The following CDAN1 variants were observed in gnomAD, a reference collection of about 807,000 sequenced individuals.
CDAN1 encodes codanin 1.
In CDAN1, 107 loss-of-function variants were observed where a neutral mutation model predicts 139.8. The observed-to-expected ratio is 0.77, with a 90% CI of 0.65 to 0.90. CDAN1 has a LOEUF of 0.90. Among genes scored for constraint, CDAN1 ranks in the 40% least tolerant of loss-of-function variants. The pLI, the probability that CDAN1 is intolerant of heterozygous loss-of-function variation, is 0.00. For missense variants in CDAN1, 1,667 were observed against 1,575.7 expected, an observed-to-expected ratio of 1.06 and a Z score of -0.98; for synonymous variants, 776 against 660.6, an observed-to-expected ratio of 1.17 and a Z score of -2.68.
At chr15:42,727,182 TG>T (rs1279672560) in intron 23 of CDAN1, 1 of 160,018 alleles carries the variant, frequency 6.2e-6, no homozygotes, top group Non-Finnish European at 1.4e-5. Context: ...AGAGAGTCTT[TG>T]AGTTTTAAAA....
chr15:42,725,760 A>T, intron 25 of CDAN1, 90 bp from the exon 26 acceptor site: 2 of 1,351,022 alleles, frequency 1.5e-6, no homozygotes, highest in Non-Finnish European at 2.1e-6. Context: ...CGGGAGGCTG[A>T]GGTGGGCAGA....
At chr15:42,730,035 T>A (rs1363675411) in intron 15 of CDAN1, 93 bp downstream of exon 15, 2 of 1,364,312 alleles carry the variant, frequency 1.5e-6, no homozygotes, top group Middle Eastern at 2.0e-4. Context: ...ACCTTCGTCT[T>A]CCAGCCCTTG....
In CDAN1 at chr15:42,735,923, G is replaced by A. The variant is rs1320420688; in HGVS notation, c.725C>T (p.Pro242Leu). The change falls in exon 3 of 28, where the codon CCA becomes CTA. Residue 242 changes from proline to leucine, a missense_variant. Pro to Leu is a moderately conservative substitution (Grantham distance 98). Around this residue, in one of 3 missense-constraint regions of CDAN1, gnomAD observed 487 missense variants for 422.2 expected, o/e 1.15. Coordinates refer to ENST00000356231, the MANE Select transcript of CDAN1 (RefSeq NM_138477.4). ...DTSPWGLGLP[P>L]GCRSLQEERE... ...CTCCTCTTGCAGACTTCTGCACCCT[G>A]GGGGAAGGCCAAGGCCCCAAGGGCT... 6.2e-7 allele frequency: 1 copy of A among 1,614,012 alleles called. No individual in the cohort carries two copies. The highest frequency in any genetic ancestry group is 2.2e-5 in the East Asian group (1 of 44,884).
Position 42,735,584 on chromosome 15 carries a change from G to A in CDAN1, c.869C>T (p.Pro290Leu). ...GGAAGACACTCTGGCAGGGTCTGCA[G>A]GTTCATCTGTGAGGCTTCCTGTCCG... ...PSRTGSLTDE[P>L]ADPARVSSRQ... Residue 290 changes from proline to leucine, a missense_variant, in exon 4 of 28, where the codon CCT becomes CTT. By Grantham distance (98) the Pro-to-Leu change is moderately conservative. Around this residue, in one of 3 missense-constraint regions of CDAN1, gnomAD observed 487 missense variants for 422.2 expected, o/e 1.15. Transcript: ENST00000356231. 6.2e-7 allele frequency: 1 copy of A among 1,614,216 alleles called. No individual in the cohort carries two copies. Among genetic ancestry groups the A allele is most frequent in the Non-Finnish European group, 8.5e-7 (1 of 1,180,046 alleles).
intron 25 of CDAN1, 134 bp from the exon 26 acceptor site, chr15:42,725,804 G>C (rs530960567): frequency 8.1e-4 from 730 of 904,784 alleles, no homozygotes; most frequent in Non-Finnish European, 1.1e-3. Flanking sequence ...CCAACATAGT[G>C]AAACCCCATC....
At chr15:42,724,899 T>C (rs2061502319) in intron 27 of CDAN1, 1 of 613,900 alleles carries the variant, frequency 1.6e-6, no homozygotes, top group African/African-American at 1.9e-5. Flanking sequence ...ATCCAGGTTA[T>C]TCTAATTTTA....
rs754420997 is a variant in CDAN1, at chr15:42,731,253, A to G, written c.1818T>C (p.His606=). ...ACTCCCCGTCTTCATCATTGGGCTC[A>G]TGCTGGGGCAGGGCAAGACCATTGA... is the stretch of plus-strand genomic sequence containing the variant. The part of the protein sequence containing the change: ...QELNGLALPQ[H]EPNDEDGESD... Residue 606 remains histidine, a synonymous_variant, in exon 12 of 28, where the codon CAT becomes CAC. Transcript: ENST00000356231. The G allele has an allele frequency of 8.7e-6, 14 of 1,613,888 alleles. No individual in the cohort carries two copies. In the East Asian group the frequency reaches 3.1e-4, roughly 36 times the overall value.
intron 14 of CDAN1, 119 bp from the exon 15 acceptor site, chr15:42,730,334 G>A: frequency 9.7e-7 from 1 of 1,033,214 alleles, no homozygotes; most frequent in Non-Finnish European, 1.5e-6. Context: ...GGCCATGTTG[G>A]CAAGCAGGAT....
At chr15:42,727,337 C>T (rs575946545) in intron 23 of CDAN1, 9 of 376,050 alleles carry the variant, frequency 2.4e-5, no homozygotes, top group South Asian at 1.8e-4. Context: ...CATTCACCAC[C>T]GCACTCTCAT....
At position 42,730,982 on chromosome 15, in the gene CDAN1, C is replaced by A. The variant is rs773154901; in HGVS notation, c.1950G>T (p.Gly650=). ...LGFVAFLPYR[G]PEPPPTGELQ... ...GCTCACCGGTCGGGGGAGGTTCAGG[C>A]CCCCGGTATGGCAGGAAAGCCACAA... Residue 650 remains glycine, a synonymous_variant, in exon 13 of 28, where the codon GGG becomes GGT. Transcript: ENST00000356231. 6.2e-7 allele frequency: 1 copy of A among 1,614,128 alleles called. No homozygotes were observed. The highest frequency in any genetic ancestry group is 1.1e-5 in the South Asian group (1 of 91,088).
chr15:42,725,265 C>T lies in CDAN1; in HGVS notation c.3451-14G>A, dbSNP rs1449850494. The T allele has an allele frequency of 7.4e-6, 12 of 1,611,944 alleles. No individual in the cohort carries two copies. Among genetic ancestry groups the T allele is most frequent in the African/African-American group, 6.7e-5 (5 of 74,828 alleles). On this transcript the variant is annotated splice_polypyrimidine_tract_variant and intron_variant, in intron 26 of 27. Transcript: ENST00000356231. ...CAGCAAGTCCCACTGCAAAACACACCGAGGTCAGGGTTGCTAGGAGGACGA... is the reference window on the plus strand; with the variant it reads ...CAGCAAGTCCCACTGCAAAACACACTGAGGTCAGGGTTGCTAGGAGGACGA...
intron 2 of CDAN1, 103 bp downstream of exon 2, chr15:42,736,199 C>G: frequency 6.3e-7 from 1 of 1,581,574 alleles, no homozygotes; most frequent in Non-Finnish European, 8.6e-7. Context: ...TCACCCCCAG[C>G]CTTCTACCCA....
intron 27 of CDAN1, 34 bp from the exon 28 acceptor site, chr15:42,724,650 C>T (rs776332026): frequency 6.4e-7 from 1 of 1,550,572 alleles, no homozygotes; most frequent in South Asian, 1.2e-5. Context: ...GAAAAGGCAG[C>T]ATGTAATAAT....
chr15:42,731,048 C>T lies in CDAN1; in HGVS notation c.1884G>A (p.Val628=). 2 of 1,614,212 alleles carry T rather than the reference C, an allele frequency of 1.2e-6. No homozygotes were observed. Among genetic ancestry groups the T allele is most frequent in the Non-Finnish European group, 1.7e-6 (2 of 1,180,032 alleles). The change falls in exon 13 of 28, where the codon GTG becomes GTA. Residue 628 remains valine, a synonymous_variant. Coordinates refer to ENST00000356231, the MANE Select transcript of CDAN1 (RefSeq NM_138477.4). The part of the protein sequence containing the change: ...DWQGERKQFA[V]VLLSLRLLAK... ...CCAAAAGTCTCAGGCTAAGAAGCAC[C>T]ACAGCAAATTGCTTCCGCTCACCCT... is the stretch of plus-strand genomic sequence containing the variant.
chr15:42,732,110 C>G (rs1217641008), intron 10 of CDAN1, among the ~76,000 whole-genome samples: 1 of 152,216 alleles, frequency 6.6e-6, no homozygotes, highest in African/African-American at 2.4e-5. Flanking sequence ...GGGAAGGCAG[C>G]AGCAGGCTAG....
intron 5 of CDAN1, 38 bp from the exon 6 acceptor site, chr15:42,735,216 C>T (rs1206142358): frequency 6.2e-7 from 1 of 1,603,478 alleles, no homozygotes; most frequent in Non-Finnish European, 8.5e-7. Flanking sequence ...TAAGAACGGT[C>T]CCGTTTCTAG....
chr15:42,723,745 TACCC>T lies in CDAN1; in HGVS notation c.*742_*745del, dbSNP rs1428558322. On this transcript the variant is annotated 3_prime_UTR_variant, in exon 28 of 28. Coordinates refer to ENST00000356231, the MANE Select transcript of CDAN1 (RefSeq NM_138477.4). ...CTTTTTCTAGAAAGTCTCGCTCTGT[TACCC>T]AGACTGGAGTGCAGTGGTGCGACCT... 1 of 152,994 alleles carries T rather than the reference TACCC, an allele frequency of 6.5e-6. No individual in the cohort carries two copies. Among genetic ancestry groups the T allele is most frequent in the African/African-American group, 2.4e-5 (1 of 41,442 alleles). The allele number at this position is 152,994 out of a possible 1,614,324, so 9.5% of individuals were successfully genotyped here.
rs1401514141 is a variant in CDAN1, at chr15:42,729,268, G to A, written c.2502C>T (p.Ser834=). The A allele has an allele frequency of 6.2e-7, 1 of 1,613,688 alleles. No individual in the cohort carries two copies. Among genetic ancestry groups the A allele is most frequent in the South Asian group, 1.1e-5 (1 of 91,056 alleles). Residue 834 remains serine (S), a synonymous_variant, in exon 18 of 28, where the codon AGC becomes AGT. Transcript: ENST00000356231. ...MRKITPTTTT[S]LGAQPSQTSQ... Reference sequence around the variant, plus strand: ...TGGTCTGGGAAGGCTGGGCTCCCAGGCTGGTGGTAGTGGTGGGGGTGATTT... The same window carrying A: ...TGGTCTGGGAAGGCTGGGCTCCCAGACTGGTGGTAGTGGTGGGGGTGATTT...
At chr15:42,727,489 A>G (rs1293486201) in intron 23 of CDAN1, 132 bp downstream of exon 23, 3 of 815,780 alleles carry the variant, frequency 3.7e-6, no homozygotes, top group Non-Finnish European at 3.7e-6. Flanking sequence ...GTAATGAGTG[A>G]AACGGGGACT....
Sources: gnomAD v4.1 joint callset for allele counts (sites outside exome capture counted in the v4.1 genomes callset) on GRCh38, gnomAD v4.1.1 for gene constraint, gnomAD v4.1.1 regional missense constraint, MANE v1.5 for transcripts, NCBI Gene and HGNC (gene_info 2026-07-23, HGNC 2026-07-21) for gene names.